Variants in FRYL observed in about 807,000 individuals in gnomAD.
FRYL encodes protein furry homolog-like.
Under a neutral mutation model 351.2 loss-of-function variants are expected in FRYL, and 150 were observed. That is an observed-to-expected ratio of 0.43 (90% CI 0.37 to 0.49). The LOEUF (loss-of-function observed/expected upper bound fraction) is 0.49. Ranked by LOEUF, FRYL falls within the 20% of genes least tolerant of loss-of-function variation. The pLI, the probability that FRYL is intolerant of heterozygous loss-of-function variation, is 0.00. For synonymous variants in FRYL, 1,153 were observed against 1,257.1 expected (o/e 0.92, Z 1.75); for missense variants, 3,036 against 3,619.3 (o/e 0.84, Z 4.13).
At chr4:48,609,704 G>T in intron 8 of FRYL, 40 bp downstream of exon 8, 1 of 979,636 alleles carries the variant, frequency 1.0e-6, no homozygotes, top group African/African-American at 1.7e-5. Context: ...GACCTGGATT[G>T]CAAAAAAAGG....
chr4:48,726,182 G>C (rs1048036027), intron 1 of FRYL, among the ~76,000 whole-genome samples: 1 of 152,138 alleles, frequency 6.6e-6, no homozygotes, highest in African/African-American at 2.4e-5. Flanking sequence ...CTGCAATCAG[G>C]GTTAGAGATG....
At chr4:48,658,084 C>T (rs1362276804) in intron 3 of FRYL, among the ~76,000 whole-genome samples, 3 of 152,112 alleles carry the variant, frequency 2.0e-5, no homozygotes, top group African/African-American at 7.2e-5. Flanking sequence ...GTAAATCTCA[C>T]AAAATATTGC....
chr4:48,542,199 A>G, intron 44 of FRYL, 78 bp from the exon 45 acceptor site: 3 of 937,694 alleles, frequency 3.2e-6, no homozygotes, highest in African/African-American at 1.7e-5. Flanking sequence ...ATGGGATTTT[A>G]AAATAGAACA....
At chr4:48,729,337 T>C (rs1257069431) in intron 1 of FRYL, among the ~76,000 whole-genome samples, 1 of 152,244 alleles carries the variant, frequency 6.6e-6, no homozygotes, top group African/African-American at 2.4e-5. Flanking sequence ...AGCAGACAGC[T>C]TCTCCAGACT....
intron 1 of FRYL, among the ~76,000 whole-genome samples, chr4:48,731,211 A>C (rs1770687798): frequency 6.6e-6 from 1 of 152,236 alleles, no homozygotes; most frequent in African/African-American, 2.4e-5. Context: ...CAGCACCCAG[A>C]TTCAAAAAGC....
chr4:48,757,225 A>G (rs1773886487), intron 1 of FRYL, among the ~76,000 whole-genome samples: 2 of 152,220 alleles, frequency 1.3e-5, no homozygotes, highest in Non-Finnish European at 2.9e-5. Flanking sequence ...CATATTCAAC[A>G]TAGTGTTGGA....
At chr4:48,775,065 A>C (rs1360676950) in intron 1 of FRYL, among the ~76,000 whole-genome samples, 1 of 152,234 alleles carries the variant, frequency 6.6e-6, no homozygotes, top group Non-Finnish European at 1.5e-5. Context: ...GCAGAATTTC[A>C]GAAATATTTC....
intron 53 of FRYL, among the ~76,000 whole-genome samples, chr4:48,524,166 A>G (rs1725484393): frequency 1.3e-5 from 2 of 151,978 alleles, no homozygotes; most frequent in African/African-American, 4.8e-5. Context: ...TGTCCAGATT[A>G]GAAGTTTTCA....
chr4:48,553,665 A>C (rs980707383), intron 35 of FRYL, among the ~76,000 whole-genome samples: 10 of 151,894 alleles, frequency 6.6e-5, no homozygotes, highest in African/African-American at 2.2e-4. Context: ...AAAAAAAAAA[A>C]AAAAAAAACA....
At chr4:48,613,098 G>A (rs1161419440) in intron 7 of FRYL, among the ~76,000 whole-genome samples, 3 of 151,952 alleles carry the variant, frequency 2.0e-5, no homozygotes, top group African/African-American at 4.8e-5. Context: ...ACTATCTTGG[G>A]GATAAGACCC....
chr4:48,605,062 C>T (rs920456365), intron 11 of FRYL, among the ~76,000 whole-genome samples: 1 of 152,124 alleles, frequency 6.6e-6, no homozygotes, highest in African/African-American at 2.4e-5. Flanking sequence ...TACATGATAG[C>T]CTGTTTTCTT....
At chr4:48,633,882 T>C (rs901285461) in intron 4 of FRYL, among the ~76,000 whole-genome samples, 3 of 37,620 alleles carry the variant, frequency 8.0e-5, no homozygotes, top group Admixed American at 5.0e-4. Flanking sequence ...AACTGACCCA[T>C]GTGTTTGTTT....
chr4:48,596,001 C>CTCTTT lies in FRYL; in HGVS notation c.1036-2_1036-1insAAAGA. The CTCTTT allele has an allele frequency of 1.3e-6, 2 of 1,580,748 alleles. No homozygotes were observed. The highest frequency in any genetic ancestry group is 1.7e-6 in the Non-Finnish European group (2 of 1,159,152). Reference sequence around the variant, plus strand: ...CTCGAGACATTTTCGGATCTTTATTCTGTTTTAAAACAAAAGAGAATAAAC... The same window carrying CTCTTT: ...CTCGAGACATTTTCGGATCTTTATTCTCTTTTGTTTTAAAACAAAAGAGAATAAAC... On this transcript the variant is annotated splice_acceptor_variant, in intron 13 of 63. Transcript: ENST00000358350. LOFTEE classifies it high-confidence loss of function.
intron 28 of FRYL, among the ~76,000 whole-genome samples, chr4:48,566,938 T>G (rs1736931508): frequency 6.6e-6 from 1 of 152,208 alleles, no homozygotes; most frequent in African/African-American, 2.4e-5. Context: ...TCAATTATCA[T>G]GAGACACTGC....
chr4:48,703,143 G>C (rs1336902295), intron 2 of FRYL, among the ~76,000 whole-genome samples: 1 of 152,116 alleles, frequency 6.6e-6, no homozygotes, highest in Non-Finnish European at 1.5e-5. Flanking sequence ...TAGAACCACC[G>C]TAAGTTTTTG....
chr4:48,515,112 A>G lies in FRYL; in HGVS notation c.7853T>C (p.Val2618Ala). 1 of 1,613,896 alleles carries G rather than the reference A, an allele frequency of 6.2e-7. No individual in the cohort carries two copies. The highest frequency in any genetic ancestry group is 8.5e-7 in the Non-Finnish European group (1 of 1,179,858). The change falls in exon 56 of 64, where the codon GTC becomes GCC. Residue 2618 changes from valine to alanine, a missense_variant. Physicochemically the swap from Val to Ala is moderately conservative, Grantham distance 64 (BLOSUM62 0). Around this residue, in one of 7 missense-constraint regions of FRYL, gnomAD observed 1,987 missense variants for 2,311.7 expected, o/e 0.86. Coordinates refer to ENST00000358350, the MANE Select transcript of FRYL (RefSeq NM_015030.2). ...PLAPESYPES[V>A]CEEDVTLALK... is the part of the protein sequence containing the mutation. The stretch of plus-strand genomic sequence containing the variant: ...AGCTAAGGTAACATCCTCTTCACAG[A>G]CTGACTCGGGGTAACTTTCAGGAGC...
intron 54 of FRYL, among the ~76,000 whole-genome samples, chr4:48,522,287 A>AT (rs1725068832): frequency 6.6e-6 from 1 of 152,138 alleles, no homozygotes; most frequent in South Asian, 2.1e-4. Flanking sequence ...TGCCTAAAGA[A>AT]TAAAAAAAGG....
At chr4:48,545,709 C>T (rs1731187812) in intron 42 of FRYL, among the ~76,000 whole-genome samples, 1 of 152,160 alleles carries the variant, frequency 6.6e-6, no homozygotes, top group Non-Finnish European at 1.5e-5. Flanking sequence ...GAATACCATG[C>T]CCTTTCTCCC....
intron 1 of FRYL, among the ~76,000 whole-genome samples, chr4:48,729,017 T>A (rs1382555067): frequency 6.6e-6 from 1 of 152,248 alleles, no homozygotes; most frequent in African/African-American, 2.4e-5. Context: ...CACTCTTGCC[T>A]AAATACTGTG....
Sources: gnomAD v4.1 joint callset for allele counts (sites outside exome capture counted in the v4.1 genomes callset) on GRCh38, gnomAD v4.1.1 for gene constraint, gnomAD v4.1.1 regional missense constraint, MANE v1.5 for transcripts, NCBI Gene and HGNC (gene_info 2026-07-23, HGNC 2026-07-21) for gene names.